The following TMOD3 variants were observed in gnomAD, a reference collection of about 807,000 sequenced individuals.
TMOD3 encodes tropomodulin 3, also known as tropomodulin-3.
TMOD3 carries 20 observed loss-of-function variants against 39.2 expected under a neutral mutation model. That is an observed-to-expected ratio of 0.51 (90% CI 0.36 to 0.74). The LOEUF (loss-of-function observed/expected upper bound fraction) is 0.74, where lower values mean the gene tolerates loss of function less well. TMOD3 is among the 30% of genes least tolerant of loss of function. The pLI, the probability that TMOD3 is intolerant of heterozygous loss-of-function variation, is 0.00. For missense variants in TMOD3, 381 were observed against 412.8 expected (o/e 0.92, Z 0.67); for synonymous variants, 143 against 145.8 (o/e 0.98, Z 0.14).
Position 51,900,135 on chromosome 15 carries a change from ATATT to A in TMOD3, c.736-18_736-15del, listed in dbSNP as rs1566867715. 6.2e-7 allele frequency: 1 copy of A among 1,612,406 alleles called. No homozygotes were observed. Among genetic ancestry groups the A allele is most frequent in the Non-Finnish European group, 8.5e-7 (1 of 1,179,060 alleles). On this transcript the variant is annotated splice_polypyrimidine_tract_variant and intron_variant, in intron 7 of 9. Transcript: ENST00000308580. ...TACTGTATCAAATTTTAATCTCTTA[ATATT>A]TTCTCTAATTTCTAGGCTTTTGCAG...
At chr15:51,890,215 C>T (rs546571164) in intron 5 of TMOD3, among the ~76,000 whole-genome samples, 1 of 150,396 alleles carries the variant, frequency 6.6e-6, no homozygotes, top group South Asian at 2.1e-4. Context: ...GTCACCCAGG[C>T]TGGAGTGCAG....
At chr15:51,901,463 CTATCT>C (rs2056649572) in intron 8 of TMOD3, 1 of 154,304 alleles carries the variant, frequency 6.5e-6, no homozygotes, top group Non-Finnish European at 1.4e-5. Flanking sequence ...TTGTTATTAT[CTATCT>C]TTTTTATTAT....
intron 3 of TMOD3, among the ~76,000 whole-genome samples, chr15:51,884,873 T>A (rs2056551954): frequency 6.6e-6 from 1 of 152,208 alleles, no homozygotes; most frequent in African/African-American, 2.4e-5. Flanking sequence ...TCCTGTGGGC[T>A]TATTAAGTGA....
At chr15:51,868,099 A>G (rs146115598) in intron 2 of TMOD3, among the ~76,000 whole-genome samples, 143 of 152,352 alleles carry the variant, frequency 9.4e-4, no homozygotes, top group African/African-American at 3.4e-3. Context: ...CAAGTGGAAC[A>G]TCTCACGTTG....
chr15:51,893,741 G>A (rs571115568), intron 5 of TMOD3, 74 bp from the exon 6 acceptor site: 2 of 1,368,998 alleles, frequency 1.5e-6, no homozygotes, highest in Non-Finnish European at 1.9e-6. Flanking sequence ...CTCCGGCCTG[G>A]GCGAAAGTGC....
chr15:51,872,990 G>A (rs1566860004), intron 3 of TMOD3, among the ~76,000 whole-genome samples: 1 of 152,144 alleles, frequency 6.6e-6, no homozygotes, highest in African/African-American at 2.4e-5. Flanking sequence ...CTGAAGGAGG[G>A]CAAATTCCTC....
intron 3 of TMOD3, among the ~76,000 whole-genome samples, chr15:51,887,249 T>G (rs1161207712): frequency 1.6e-4 from 8 of 49,594 alleles, no homozygotes; most frequent in South Asian, 4.9e-4. Context: ...TTGGATTCTG[T>G]TTTTTTTTTT....
At chr15:51,869,475 G>A in intron 3 of TMOD3, 102 bp downstream of exon 3, 1 of 1,110,396 alleles carries the variant, frequency 9.0e-7, no homozygotes, top group Non-Finnish European at 1.3e-6. Context: ...ATCATTGGTA[G>A]CCTTAAATAT....
At chr15:51,839,858 G>A (rs1462230806) in intron 1 of TMOD3, among the ~76,000 whole-genome samples, 1 of 152,094 alleles carries the variant, frequency 6.6e-6, no homozygotes, top group African/African-American at 2.4e-5. Context: ...AGAAAGAATA[G>A]GGGAGTAGAA....
At chr15:51,879,649 G>A (rs1033772900) in intron 3 of TMOD3, among the ~76,000 whole-genome samples, 1 of 151,496 alleles carries the variant, frequency 6.6e-6, no homozygotes, top group South Asian at 2.1e-4. Context: ...CATCTTTTAG[G>A]GACTGATATT....
chr15:51,882,689 C>T lies in TMOD3; in HGVS notation c.284-4900C>T, dbSNP rs186209491. 7.9e-5 allele frequency among the ~76,000 whole-genome samples: 12 copies of T among 151,998 alleles called. No homozygotes were observed. In the East Asian group the frequency reaches 2.3e-3, roughly 29 times the overall value. On this transcript the variant is annotated intron_variant, in intron 3 of 9. Transcript: ENST00000308580. The stretch of plus-strand genomic sequence containing the variant: ...TATTGATCTAAATGTCTTTCTAGTC[C>T]ACCAACACTGTTTTGATTATAGTAG...
chr15:51,875,746 A>T lies in TMOD3; in HGVS notation c.283+6373A>T, dbSNP rs141804086. 5.6e-3 allele frequency among the ~76,000 whole-genome samples: 845 copies of T among 150,562 alleles called. 5 individuals are homozygous for T. The highest frequency in any genetic ancestry group is 0.019 in the African/African-American group (786 of 40,964). ...TTCACCTGCCTCAGCCTCCCAAGTAACTGGGACTACAGGCAGCCGCCACCA... is the reference window on the plus strand; with the variant it reads ...TTCACCTGCCTCAGCCTCCCAAGTATCTGGGACTACAGGCAGCCGCCACCA... On this transcript the variant is annotated intron_variant, in intron 3 of 9. Transcript: ENST00000308580.
In TMOD3 at chr15:51,914,139, A is replaced by G. The variant is rs2056723838; in HGVS notation, c.*5329A>G. ...TAGCAAGACCCCATCTTTACAAAAA[A>G]TTTAAAAATTAGCCAGACACCTATA... On this transcript the variant is annotated 3_prime_UTR_variant, in exon 10 of 10. Coordinates refer to ENST00000308580, the MANE Select transcript of TMOD3 (RefSeq NM_014547.5). The G allele has an allele frequency of 6.6e-6, 1 of 152,372 alleles. No homozygotes were observed. The highest frequency in any genetic ancestry group is 2.4e-5 in the African/African-American group (1 of 41,384). The allele number at this position is 152,372 out of a possible 1,614,324, so 9.4% of individuals were successfully genotyped here. A position where few individuals can be genotyped will look rare whatever the true frequency, so the allele number is the denominator to read the frequency against.
rs59321162 is a variant in TMOD3 at position 51,893,294 on chromosome 15, CAAAAAAAAAAAAAA to C, written c.497-505_497-492del. 4.9e-4 allele frequency among the ~76,000 whole-genome samples: 29 copies of C among 59,010 alleles called. No individual in the cohort carries two copies. The South Asian group carries it at 0.021, about 43-fold the overall frequency. 38.7% of individuals were successfully genotyped at this position (59,010 alleles called of 152,430 possible). Reference sequence around the variant, plus strand: ...TGGGTGGTAGAGTAAGACTCCATCTCAAAAAAAAAAAAAAAAAAAAAAAAAAAAATTAAATAAAT... The same window carrying C: ...TGGGTGGTAGAGTAAGACTCCATCTCAAAAAAAAAAAAAAATTAAATAAAT... On this transcript the variant is annotated intron_variant, in intron 5 of 9. Transcript: ENST00000308580.
chr15:51,847,703 G>A (rs572224055), intron 1 of TMOD3, among the ~76,000 whole-genome samples: 5 of 152,262 alleles, frequency 3.3e-5, no homozygotes, highest in African/African-American at 1.2e-4. Flanking sequence ...AGGATCACTT[G>A]AAGCCAAGAG....
At chr15:51,897,726 G>A (rs867691466) in intron 7 of TMOD3, among the ~76,000 whole-genome samples, 3 of 132,120 alleles carry the variant, frequency 2.3e-5, no homozygotes, top group Non-Finnish European at 3.1e-5. Context: ...CTTGTGATCC[G>A]CCCACCTCAA....
intron 3 of TMOD3, among the ~76,000 whole-genome samples, chr15:51,883,375 G>A (rs931358951): frequency 1.3e-5 from 2 of 152,104 alleles, no homozygotes; most frequent in African/African-American, 2.4e-5. Flanking sequence ...AAAAAAATAA[G>A]CATCTTAGAT....
At chr15:51,886,691 AGAGAGGGAGAGGGAGACCGTGGAGAGAGG>A (rs1269135512) in intron 3 of TMOD3, among the ~76,000 whole-genome samples, 1 of 150,490 alleles carries the variant, frequency 6.6e-6, no homozygotes, top group South Asian at 2.1e-4. Context: ...ACCTTGGGAG[AGAGAGGGAGAGGGAGACCGTGGAGAGAGG>A]GAGAGGGAGA....
chr15:51,905,768 C>T (rs1039151836), intron 9 of TMOD3, among the ~76,000 whole-genome samples: 4 of 151,734 alleles, frequency 2.6e-5, no homozygotes, highest in African/African-American at 7.3e-5. Context: ...CAAGGTGAAA[C>T]CCCGTCTCTA....
Sources: allele counts gnomAD v4.1 joint callset (sites outside exome capture counted in the v4.1 genomes callset), GRCh38; gene constraint gnomAD v4.1.1; transcripts MANE v1.5; gene names NCBI Gene and HGNC (gene_info 2026-07-23, HGNC 2026-07-21).